KRCC1: variants seen among roughly 807,000 people sequenced by gnomAD.
KRCC1 encodes the protein lysine-rich coiled-coil protein 1.
KRCC1 carries 3 observed loss-of-function variants against 7.4 expected under a neutral mutation model. The ratio of observed to expected loss-of-function variants is 0.40; its 90% confidence interval spans 0.18 to 1.04. The LOEUF is 1.04. KRCC1 is among the 50% of genes least tolerant of loss of function. The probability of loss-of-function intolerance (pLI) is 0.33; values close to 1 mark genes in which losing one functional copy is unlikely to be tolerated. For synonymous variants in KRCC1, 102 were observed against 101.6 expected, an observed-to-expected ratio of 1.00 and a Z score of -0.02; for missense variants, 277 against 300.9, an observed-to-expected ratio of 0.92 and a Z score of 0.59.
At chr2:88,046,837 A>C (rs1035118759) in intron 1 of KRCC1, among the ~76,000 whole-genome samples, 1 of 151,862 alleles carries the variant, frequency 6.6e-6, no homozygotes, top group Non-Finnish European at 1.5e-5. Flanking sequence ...AGCCCAGCTT[A>C]TTTTTTATAT....
intron 1 of KRCC1, among the ~76,000 whole-genome samples, chr2:88,041,445 T>C (rs1350330047): frequency 2.6e-5 from 4 of 152,222 alleles, no homozygotes; most frequent in Admixed American, 1.3e-4. Flanking sequence ...ATCAAATGTA[T>C]AGTATCTTGC....
chr2:88,027,738 C>T lies in KRCC1; in HGVS notation c.*46G>A, dbSNP rs984828797. On this transcript the variant is annotated 3_prime_UTR_variant, in exon 4 of 4. Transcript: ENST00000347055. ...CACGGATATCATAAAACCAAGCTCT[C>T]ACCTATTTTTTCAATTTAACTTTGG... The T allele has an allele frequency of 2.0e-6, 3 of 1,508,166 alleles. No individual in the cohort carries two copies. Among genetic ancestry groups the T allele is most frequent in the Non-Finnish European group, 2.7e-6 (3 of 1,124,942 alleles). The allele number at this position is 1,508,166 out of a possible 1,614,324, so 93.4% of individuals were successfully genotyped here. A position where few individuals can be genotyped will look rare whatever the true frequency, so the allele number is the denominator to read the frequency against.
At chr2:88,048,128 G>C (rs577334185) in intron 1 of KRCC1, among the ~76,000 whole-genome samples, 8 of 149,946 alleles carry the variant, frequency 5.3e-5, no homozygotes, top group Admixed American at 6.7e-5. Flanking sequence ...TGTTGCGCAG[G>C]CTGGGGTGCA....
rs139392416 is a variant in KRCC1 at position 88,027,972 on chromosome 2, T to G, written c.592A>C (p.Lys198Gln). Residue 198 changes from lysine to glutamine, a missense_variant, in exon 4 of 4, where the codon AAG becomes CAG. Coordinates refer to ENST00000347055, the MANE Select transcript of KRCC1 (RefSeq NM_016618.3). ...DLDKHKSIQRKKTEVEIETVH... is the reference protein window; with the variant it reads ...DLDKHKSIQRQKTEVEIETVH... The stretch of plus-strand genomic sequence containing the variant: ...GTTTCTATTTCCACCTCTGTTTTCT[T>G]TCTTTGGATGCTCTTGTGTTTGTCT... The G allele has an allele frequency of 5.0e-5, 80 of 1,613,620 alleles. No individual in the cohort carries two copies. In the African/African-American group the frequency reaches 9.5e-4, roughly 19 times the overall value.
chr2:88,047,505 T>C (rs145545632), intron 1 of KRCC1, among the ~76,000 whole-genome samples: 1 of 152,338 alleles, frequency 6.6e-6, no homozygotes, highest in African/African-American at 2.4e-5. Flanking sequence ...CCTGTTGTGA[T>C]AATGGCATTT....
chr2:88,047,487 C>G (rs1288494726), intron 1 of KRCC1, among the ~76,000 whole-genome samples: 1 of 152,200 alleles, frequency 6.6e-6, no homozygotes, highest in East Asian at 1.9e-4. Flanking sequence ...TCATGCCTCA[C>G]AGCGTGACCT....
intron 1 of KRCC1, among the ~76,000 whole-genome samples, chr2:88,048,533 T>C (rs1573085404): frequency 6.6e-6 from 1 of 152,232 alleles, no homozygotes; most frequent in African/African-American, 2.4e-5. Context: ...TGATTACATA[T>C]ATAGAACTTG....
chr2:88,027,876 C>T lies in KRCC1; in HGVS notation c.688G>A (p.Glu230Lys). 2 of 1,613,694 alleles carry T rather than the reference C, an allele frequency of 1.2e-6. No individual in the cohort carries two copies. The highest frequency in any genetic ancestry group is 1.7e-6 in the Non-Finnish European group (2 of 1,179,984). Residue 230 changes from glutamate to lysine, a missense_variant, in exon 4 of 4, where the codon GAG becomes AAG. By Grantham distance (56) the Glu-to-Lys change is moderately conservative (BLOSUM62 1). Coordinates refer to ENST00000347055, the MANE Select transcript of KRCC1 (RefSeq NM_016618.3). ...TTCTTTTTTGTACGCTTACGTTCCT[C>T]TTTCTTAGAGACTACATCTCGGCTT... The part of the protein sequence containing the change: ...KKSRDVVSKK[E>K]ERKRTKKKKE...
chr2:88,039,595 C>T (rs1673162808), intron 1 of KRCC1, among the ~76,000 whole-genome samples: 1 of 151,996 alleles, frequency 6.6e-6, no homozygotes, highest in South Asian at 2.1e-4. Context: ...GGCTGAAGTA[C>T]GAGAATCTCT....
Position 88,030,981 on chromosome 2 carries a change from C to T in KRCC1, c.-22-2396G>A, listed in dbSNP as rs911100788. ...TGCTGGTATAAACGAATCTACTATA[C>T]TGCCATATAAAAGTATAGCATACAC... On this transcript the variant is annotated intron_variant, in intron 3 of 3. Transcript: ENST00000347055. Among the ~76,000 whole-genome samples the T allele has an allele frequency of 2.6e-5, 4 of 152,088 alleles. No homozygotes were observed. In the East Asian group the frequency reaches 7.7e-4, roughly 29 times the overall value.
chr2:88,033,276 C>T (rs1394351167), intron 3 of KRCC1, among the ~76,000 whole-genome samples: 1 of 152,210 alleles, frequency 6.6e-6, no homozygotes, highest in African/African-American at 2.4e-5. Flanking sequence ...GTAATCCCAG[C>T]ACTTTGGGAG....
At chr2:88,036,543 G>C (rs560543726) in intron 2 of KRCC1, among the ~76,000 whole-genome samples, 2 of 152,246 alleles carry the variant, frequency 1.3e-5, no homozygotes, top group South Asian at 4.1e-4. Flanking sequence ...GCAAAGTCAA[G>C]GGTAAGACTG....
chr2:88,054,845 C>T (rs1673578290), intron 1 of KRCC1, among the ~76,000 whole-genome samples: 1 of 152,132 alleles, frequency 6.6e-6, no homozygotes, highest in South Asian at 2.1e-4. Context: ...AGCTCGCGCC[C>T]GTAGTCCCAG....
intron 1 of KRCC1, among the ~76,000 whole-genome samples, chr2:88,055,199 CTACTT>C (rs1673590655): frequency 6.6e-6 from 1 of 151,896 alleles, no homozygotes; most frequent in Admixed American, 6.6e-5. Flanking sequence ...GTCAAAGTCT[CTACTT>C]TCCAGGATGC....
chr2:88,054,185 A>C (rs1673560716), intron 1 of KRCC1, among the ~76,000 whole-genome samples: 2 of 152,214 alleles, frequency 1.3e-5, no homozygotes, highest in Non-Finnish European at 2.9e-5. Flanking sequence ...GAGAACTGCA[A>C]AAGCTCTCCC....
At chr2:88,030,437 CTA>C (rs959206440) in intron 3 of KRCC1, among the ~76,000 whole-genome samples, 13 of 151,476 alleles carry the variant, frequency 8.6e-5, no homozygotes, top group Non-Finnish European at 1.5e-5. Context: ...CAAATTCTGA[CTA>C]GAAAAATAAT....
At chr2:88,038,751 A>C (rs1192565955) in intron 1 of KRCC1, among the ~76,000 whole-genome samples, 1 of 152,204 alleles carries the variant, frequency 6.6e-6, no homozygotes, top group African/African-American at 2.4e-5. Context: ...TAGGAAGGAG[A>C]AGTGCTGAGT....
chr2:88,049,292 C>T (rs1422918663), intron 1 of KRCC1, among the ~76,000 whole-genome samples: 1 of 152,110 alleles, frequency 6.6e-6, no homozygotes, highest in African/African-American at 2.4e-5. Context: ...TACTTGGATC[C>T]AAGGCAGATA....
chr2:88,036,721 C>T (rs931872452), intron 2 of KRCC1, among the ~76,000 whole-genome samples: 6 of 152,038 alleles, frequency 3.9e-5, no homozygotes, highest in African/African-American at 1.4e-4. Context: ...AGGTAGAAGA[C>T]AGAATGGAGA....
Sources: allele counts gnomAD v4.1 joint callset (sites outside exome capture counted in the v4.1 genomes callset), GRCh38; gene constraint gnomAD v4.1.1; transcripts MANE v1.5; gene names NCBI Gene and HGNC (gene_info 2026-07-23, HGNC 2026-07-21).